The following TCOF1 variants were observed in gnomAD, a reference collection of about 807,000 sequenced individuals.
TCOF1 encodes treacle protein.
A neutral mutation model predicts 149.0 loss-of-function variants in TCOF1; 33 were observed. That is an observed-to-expected ratio of 0.22 (90% CI 0.17 to 0.30). The LOEUF is 0.30. Among genes scored for constraint, TCOF1 ranks in the 10% least tolerant of loss-of-function variants. The pLI, the probability that TCOF1 is intolerant of heterozygous loss-of-function variation, is 1.00. For synonymous variants in TCOF1, 789 were observed against 738.8 expected, an observed-to-expected ratio of 1.07 and a Z score of -1.10; for missense variants, 1,728 against 1,840.7, an observed-to-expected ratio of 0.94 and a Z score of 1.12.
chr5:150,359,812 C>T (rs1211013691), intron 1 of TCOF1, among the ~76,000 whole-genome samples: 1 of 152,140 alleles, frequency 6.6e-6, no homozygotes, highest in Non-Finnish European at 1.5e-5. Context: ...TATAGTATAT[C>T]CAATGATAGT....
At chr5:150,385,993 A>G (rs1766208106) in intron 17 of TCOF1, among the ~76,000 whole-genome samples, 1 of 152,204 alleles carries the variant, frequency 6.6e-6, no homozygotes. Context: ...CCGTTTCATT[A>G]AACGGGAAAC....
intron 17 of TCOF1, chr5:150,385,175 A>G: frequency 3.6e-6 from 3 of 839,722 alleles, no homozygotes; most frequent in Non-Finnish European, 4.3e-6. Context: ...TGTCGGTAAT[A>G]TTTTTTAAGG....
chr5:150,386,437 G>A (rs1766315969), intron 17 of TCOF1, among the ~76,000 whole-genome samples: 1 of 152,204 alleles, frequency 6.6e-6, no homozygotes, highest in African/African-American at 2.4e-5. Context: ...GATCGGAGCA[G>A]CCGCGGGGGA....
chr5:150,392,377 C>T (rs1224458227), intron 21 of TCOF1: 3 of 640,310 alleles, frequency 4.7e-6, no homozygotes, highest in Non-Finnish European at 8.0e-6. Flanking sequence ...TGCTGTTTGA[C>T]CACTCTCAGC....
chr5:150,364,310 G>A (rs945847619), intron 3 of TCOF1, 58 bp downstream of exon 3: 4 of 1,609,646 alleles, frequency 2.5e-6, no homozygotes, highest in Admixed American at 3.3e-5. Context: ...CTAGGGTAGA[G>A]TCTACCTCCA....
Position 150,392,074 on chromosome 5 carries a change from G to T in TCOF1, c.3415G>T (p.Ala1139Ser). The T allele has an allele frequency of 6.2e-7, 1 of 1,614,238 alleles. No individual in the cohort carries two copies. The highest frequency in any genetic ancestry group is 1.1e-5 in the South Asian group (1 of 91,090). ...KLPEVQQATK[A>S]PESSDDSEDS... is the part of the protein sequence containing the mutation. The stretch of plus-strand genomic sequence containing the variant: ...TCCTGAGGTCCAGCAGGCCACCAAA[G>T]CCCCTGAGAGCTCAGATGACAGTGA... Residue 1139 changes from alanine to serine, a missense_variant, in exon 21 of 27, where the codon GCC becomes TCC. By Grantham distance (99) the Ala-to-Ser change is moderately conservative. Around this residue, in one of 2 missense-constraint regions of TCOF1, gnomAD observed 1,696 missense variants for 1,765.4 expected, o/e 0.96. Coordinates refer to ENST00000643257, the MANE Select transcript of TCOF1 (RefSeq NM_001371623.1).
chr5:150,369,637 C>T, intron 6 of TCOF1, 35 bp downstream of exon 6: 1 of 1,611,286 alleles, frequency 6.2e-7, no homozygotes, highest in Non-Finnish European at 8.5e-7. Flanking sequence ...TTGCCCTCTC[C>T]CAGCCTCTAA....
At chr5:150,373,561 A>G (rs1763012239) in intron 7 of TCOF1, among the ~76,000 whole-genome samples, 2 of 152,116 alleles carry the variant, frequency 1.3e-5, no homozygotes, top group Non-Finnish European at 2.9e-5. Context: ...CAAAGCCCCA[A>G]GACAGTGCAG....
intron 17 of TCOF1, among the ~76,000 whole-genome samples, chr5:150,382,178 A>T (rs1352172536): frequency 1.3e-5 from 2 of 151,670 alleles, no homozygotes; most frequent in Non-Finnish European, 2.9e-5. Flanking sequence ...AAAAAAAGAG[A>T]TTAGGGGGTA....
chr5:150,384,233 G>A, intron 17 of TCOF1: 1 of 994,398 alleles, frequency 1.0e-6, no homozygotes, highest in Non-Finnish European at 1.2e-6. Context: ...GATTACAAAA[G>A]TAAAGAACAA....
rs746155930 is a variant in TCOF1 at position 150,398,485 on chromosome 5, A to T, written c.4443+34A>T. On this transcript the variant is annotated intron_variant, in intron 25 of 26. Coordinates refer to ENST00000643257, the MANE Select transcript of TCOF1 (RefSeq NM_001371623.1). ...TTCCTGGGGTGTCTCAGGCCAGAAA[A>T]CAGACCCAAACCCAAGCCCCCTCCT... The T allele has an allele frequency of 1.2e-5, 19 of 1,613,660 alleles. 1 individual carries two copies. In the East Asian group the frequency reaches 4.2e-4, roughly 36 times the overall value.
rs1581225196 is a variant in TCOF1, at chr5:150,396,662, G to A, written c.4165G>A (p.Gly1389Arg). ...AGAAAAGACCTCCACGACTTCCAAG[G>A]GGAAAGCAAAGAGAGACAAAGCAAG... ...SPEKTSTTSK[G>R]KAKRDKASGD... is the part of the protein sequence containing the mutation. Residue 1389 changes from glycine (G) to arginine (R), a missense_variant, in exon 24 of 27, where the codon GGG becomes AGG. Around this residue, in one of 2 missense-constraint regions of TCOF1, gnomAD observed 1,696 missense variants for 1,765.4 expected, o/e 0.96. Coordinates refer to ENST00000643257, the MANE Select transcript of TCOF1 (RefSeq NM_001371623.1). 6.2e-7 allele frequency: 1 copy of A among 1,611,180 alleles called. No individual in the cohort carries two copies. Among genetic ancestry groups the A allele is most frequent in the Non-Finnish European group, 8.5e-7 (1 of 1,178,676 alleles).
At chr5:150,390,302 AT>A (rs1321898028) in intron 19 of TCOF1, among the ~76,000 whole-genome samples, 3 of 151,820 alleles carry the variant, frequency 2.0e-5, no homozygotes. Context: ...GGGGCTTTTG[AT>A]TTTTTTTCTT....
At chr5:150,390,079 A>G in intron 19 of TCOF1, 56 bp downstream of exon 19, 2 of 1,557,394 alleles carry the variant, frequency 1.3e-6, no homozygotes, top group South Asian at 1.2e-5. Flanking sequence ...CCCTACTTCC[A>G]TACTTACCCA....
chr5:150,373,224 G>A (rs1762940372), intron 7 of TCOF1, among the ~76,000 whole-genome samples: 1 of 152,124 alleles, frequency 6.6e-6, no homozygotes. Flanking sequence ...GTGTGTGTGT[G>A]TGTGTGTGTG....
chr5:150,367,711 C>A, intron 3 of TCOF1, 133 bp from the exon 4 acceptor site: 1 of 1,011,128 alleles, frequency 9.9e-7, no homozygotes, highest in Non-Finnish European at 1.5e-6. Flanking sequence ...CAAGTCTGGG[C>A]TCAGCCTCAG....
chr5:150,372,576 C>T (rs1263166690), intron 7 of TCOF1, among the ~76,000 whole-genome samples: 1 of 152,216 alleles, frequency 6.6e-6, no homozygotes, highest in Non-Finnish European at 1.5e-5. Context: ...AAAGGGAATC[C>T]AGTTCCCTTC....
intron 17 of TCOF1, among the ~76,000 whole-genome samples, chr5:150,386,787 T>A (rs1766395544): frequency 6.6e-6 from 1 of 152,220 alleles, no homozygotes; most frequent in Non-Finnish European, 1.5e-5. Context: ...GTGTTCTCGT[T>A]AGCTGGAGGT....
chr5:150,395,493 A>G (rs1259116274), intron 23 of TCOF1, among the ~76,000 whole-genome samples: 3 of 151,294 alleles, frequency 2.0e-5, no homozygotes, highest in African/African-American at 7.3e-5. Flanking sequence ...ATTCTCTGTG[A>G]GAGGCGGTGC....
Sources: allele counts gnomAD v4.1 joint callset (sites outside exome capture counted in the v4.1 genomes callset), GRCh38; gene constraint gnomAD v4.1.1; regional missense constraint gnomAD v4.1.1; transcripts MANE v1.5; gene names NCBI Gene and HGNC (gene_info 2026-07-23, HGNC 2026-07-21).